The following SAMD12 variants were observed in gnomAD, a reference collection of about 807,000 sequenced individuals.
SAMD12 encodes the protein sterile alpha motif domain containing 12.
In SAMD12, 9 loss-of-function variants were observed where a neutral mutation model predicts 15.0. That is an observed-to-expected ratio of 0.60 (90% confidence interval 0.36 to 1.05). SAMD12 has a LOEUF of 1.05. Ranked by LOEUF, SAMD12 falls within the 50% of genes least tolerant of loss-of-function variation. The pLI is 0.01. For missense variants in SAMD12, 230 were observed against 234.2 expected (o/e 0.98, Z 0.12); for synonymous variants, 86 against 90.1 (o/e 0.96, Z 0.25).
chr8:118,134,929 T>A, the SAMD12 span, among the ~76,000 whole-genome samples: 1 of 152,162 alleles, frequency 6.6e-6, no homozygotes, highest in African/African-American at 2.4e-5. Context: ...ATGAATCATG[T>A]GAAAAACTTG....
At chr8:118,490,145 CAT>C (rs895155292) in intron 2 of SAMD12, among the ~76,000 whole-genome samples, 1 of 152,120 alleles carries the variant, frequency 6.6e-6, no homozygotes, top group African/African-American at 2.4e-5. Flanking sequence ...AAATCATTAT[CAT>C]ATGTTAACAT....
At chr8:118,498,611 T>C (rs562460833) in intron 2 of SAMD12, among the ~76,000 whole-genome samples, 2 of 152,316 alleles carry the variant, frequency 1.3e-5, no homozygotes, top group Admixed American at 1.3e-4. Flanking sequence ...ACTAAATTCC[T>C]GGAAAAGGTC....
the SAMD12 span, among the ~76,000 whole-genome samples, chr8:118,146,909 G>A: frequency 1.9e-4 from 29 of 152,180 alleles, no homozygotes; most frequent in Admixed American, 1.9e-3. Flanking sequence ...GATTTATAAT[G>A]ATTATTGAGG....
downstream of SAMD12, among the ~76,000 whole-genome samples, chr8:118,374,630 C>G (rs371042282): frequency 6.6e-6 from 1 of 152,074 alleles, no homozygotes; most frequent in Non-Finnish European, 1.5e-5. Flanking sequence ...TCTCTACATT[C>G]TTGCCAACAC....
downstream of SAMD12, among the ~76,000 whole-genome samples, chr8:118,185,665 C>G (rs1016364679): frequency 6.6e-6 from 1 of 152,164 alleles, no homozygotes; most frequent in Admixed American, 6.5e-5. Context: ...CTATTCCAAA[C>G]CCCTAATATT....
intron 4 of SAMD12, among the ~76,000 whole-genome samples, chr8:118,279,941 T>C (rs1033534692): frequency 1.3e-5 from 2 of 152,210 alleles, no homozygotes; most frequent in African/African-American, 4.8e-5. Flanking sequence ...AGGACGCACA[T>C]GCCCTATGTT....
chr8:118,456,926 C>A (rs1823271412), intron 2 of SAMD12, among the ~76,000 whole-genome samples: 1 of 152,148 alleles, frequency 6.6e-6, no homozygotes, highest in Non-Finnish European at 1.5e-5. Flanking sequence ...TTCCATGGAT[C>A]TAGGTTTGCA....
chr8:118,164,894 A>G, the SAMD12 span, among the ~76,000 whole-genome samples: 4 of 151,936 alleles, frequency 2.6e-5, no homozygotes, highest in Non-Finnish European at 4.4e-5. Flanking sequence ...ACATATGCAT[A>G]TATGGAATGT....
intron 2 of SAMD12, among the ~76,000 whole-genome samples, chr8:118,549,679 G>C (rs1335454743): frequency 6.6e-6 from 1 of 152,250 alleles, no homozygotes; most frequent in Non-Finnish European, 1.5e-5. Context: ...AAGCTGGACG[G>C]AGAATGACTT....
the SAMD12 span, among the ~76,000 whole-genome samples, chr8:118,155,376 A>G: frequency 6.6e-6 from 1 of 152,220 alleles, no homozygotes; most frequent in East Asian, 1.9e-4. Context: ...GGGGTGGGCC[A>G]CATCTAACAA....
At chr8:118,449,798 C>CAAAAAAAAAAAAAAAAA (rs35279962) in intron 2 of SAMD12, among the ~76,000 whole-genome samples, 1 of 72,462 alleles carries the variant, frequency 1.4e-5, no homozygotes. Context: ...GAGACTGTCT[C>CAAAAAAAAAAAAAAAAA]AAAAAAAAAA....
At chr8:118,458,909 G>A (rs1190445964) in intron 2 of SAMD12, among the ~76,000 whole-genome samples, 3 of 151,752 alleles carry the variant, frequency 2.0e-5, no homozygotes, top group Non-Finnish European at 4.4e-5. Flanking sequence ...CATGCTGTTT[G>A]CCCCATTGTT....
At chr8:118,476,462 A>G (rs1451340887) in intron 2 of SAMD12, among the ~76,000 whole-genome samples, 1 of 152,192 alleles carries the variant, frequency 6.6e-6, no homozygotes, top group Non-Finnish European at 1.5e-5. Context: ...TCTTTTACAG[A>G]GATAAATAAA....
chr8:118,163,579 A>T, the SAMD12 span, among the ~76,000 whole-genome samples: 1 of 152,162 alleles, frequency 6.6e-6, no homozygotes, highest in African/African-American at 2.4e-5. Context: ...GTTAGAGCAA[A>T]ACCTGGGGAG....
At chr8:118,144,971 A>G in the SAMD12 span, among the ~76,000 whole-genome samples, 7 of 152,344 alleles carry the variant, frequency 4.6e-5, no homozygotes, top group East Asian at 1.9e-4. Context: ...GGAGTTTGCA[A>G]TCTAGTGGGG....
At chr8:118,386,917 G>A (rs1434000665) in intron 3 of SAMD12, among the ~76,000 whole-genome samples, 1 of 152,172 alleles carries the variant, frequency 6.6e-6, no homozygotes, top group Non-Finnish European at 1.5e-5. Flanking sequence ...TGTGGTTGGG[G>A]GGTGCCACTT....
intron 2 of SAMD12, among the ~76,000 whole-genome samples, chr8:118,451,811 G>T (rs1196365291): frequency 1.3e-5 from 2 of 152,220 alleles, no homozygotes; most frequent in Admixed American, 1.3e-4. Context: ...GGCTTTAAAA[G>T]TTAGCCACCC....
intron 4 of SAMD12, among the ~76,000 whole-genome samples, chr8:118,287,297 T>C (rs1330386413): frequency 6.6e-6 from 1 of 151,738 alleles, no homozygotes; most frequent in Non-Finnish European, 1.5e-5. Context: ...GCTAATTTTT[T>C]TGTATTTTTA....
chr8:118,514,007 C>T lies in SAMD12; in HGVS notation c.192+66708G>A, dbSNP rs146625628. On this transcript the variant is annotated intron_variant, in intron 2 of 3. Transcript: ENST00000314727. ...AAACAGCTAAAATGCATATTTTAAG[C>T]GAAATTTTTATTATTAAATACTGGT... Among the ~76,000 whole-genome samples, 369 of 152,218 alleles carry T rather than the reference C, an allele frequency of 2.4e-3. 6 individuals are homozygous for T. The highest frequency in any genetic ancestry group is 8.4e-3 in the African/African-American group (348 of 41,540).
Sources: gnomAD v4.1 joint callset for allele counts (sites outside exome capture counted in the v4.1 genomes callset) on GRCh38, gnomAD v4.1.1 for gene constraint, MANE v1.5 for transcripts, NCBI Gene and HGNC (gene_info 2026-07-23, HGNC 2026-07-21) for gene names.